ACOX3: variants seen among roughly 807,000 people sequenced by gnomAD.
ACOX3 encodes the protein acyl-CoA oxidase 3, pristanoyl.
ACOX3 carries 73 observed loss-of-function variants against 81.5 expected under a neutral mutation model. The ratio of observed to expected loss-of-function variants is 0.90; its 90% CI spans 0.74 to 1.09. The LOEUF is 1.09. ACOX3 is among the 50% of genes least tolerant of loss of function. The pLI, the probability that ACOX3 is intolerant of heterozygous loss-of-function variation, is 0.00. For missense variants in ACOX3, 947 were observed against 928.0 expected (o/e 1.02, Z -0.27); for synonymous variants, 387 against 375.1 (o/e 1.03, Z -0.37).
chr4:8,380,690 G>A (rs1274948331), intron 14 of ACOX3, among the ~76,000 whole-genome samples: 1 of 152,170 alleles, frequency 6.6e-6, no homozygotes, highest in African/African-American at 2.4e-5. Flanking sequence ...CATTACTGAA[G>A]GTGACCCATA....
chr4:8,365,038 C>T (rs763496509), downstream of ACOX3, among the ~76,000 whole-genome samples: 24 of 152,136 alleles, frequency 1.6e-4, no homozygotes, highest in Non-Finnish European at 2.8e-4. Context: ...GAGCCGTCCA[C>T]ACACACACGG....
Position 8,366,685 on chromosome 4 carries a change from T to C in ACOX3, c.*276A>G. ...ACCCTGAAAACTGAATGTGCGAAAT[T>C]CTAATTATCAAAAAACCCACGGCGC... On this transcript the variant is annotated 3_prime_UTR_variant, in exon 18 of 18. Transcript: ENST00000356406. 3.8e-6 allele frequency: 1 copy of C among 262,454 alleles called. No homozygotes were observed. The highest frequency in any genetic ancestry group is 6.7e-5 in the South Asian group (1 of 14,882). The allele number at this position is 262,454 out of a possible 1,614,324, so 16.3% of individuals were successfully genotyped here. A position where few individuals can be genotyped will look rare whatever the true frequency, so the allele number is the denominator to read the frequency against.
rs1724029503 is a variant in ACOX3 at position 8,432,814 on chromosome 4, G to A, written c.-15+7834C>T. Among the ~76,000 whole-genome samples the A allele has an allele frequency of 6.6e-6, 1 of 152,186 alleles. No individual in the cohort carries two copies. The highest frequency in any genetic ancestry group is 2.1e-4 in the South Asian group (1 of 4,836). ...AACTCAGAATGGAGGGGCTTTAAGG[G>A]TCCCAGGTGAGTGTCTCTAGTGCTG... is the stretch of plus-strand genomic sequence containing the variant. On this transcript the variant is annotated intron_variant, in intron 1 of 17. Coordinates refer to ENST00000356406, the MANE Select transcript of ACOX3 (RefSeq NM_003501.3). The surrounding 1 kb of genome is among the most constrained non-coding windows in gnomAD (Gnocchi z 6.2).
chr4:8,366,077 T>G (rs888369426), downstream of ACOX3, among the ~76,000 whole-genome samples: 1 of 152,094 alleles, frequency 6.6e-6, no homozygotes, highest in Non-Finnish European at 1.5e-5. Flanking sequence ...AGGACCCAGA[T>G]GCAAAGACAG....
At chr4:8,375,868 G>GTA (rs1374021910) in intron 14 of ACOX3, among the ~76,000 whole-genome samples, 2 of 152,218 alleles carry the variant, frequency 1.3e-5, no homozygotes, top group African/African-American at 4.8e-5. Context: ...TGGCTGCACG[G>GTA]TATCCCATGG....
In ACOX3 at chr4:8,394,395, G is replaced by A. The variant is rs188125896; in HGVS notation, c.1179+225C>T. On this transcript the variant is annotated intron_variant, in intron 10 of 17. Coordinates refer to ENST00000356406, the MANE Select transcript of ACOX3 (RefSeq NM_003501.3). This position sits in a 1 kb window ranked among gnomAD's most constrained non-coding sequence, Gnocchi z 5.9. ...ACAGCTGAACTCACAGACTGGAACC[G>A]GGAGTCGTGTCAGCACATCCTTGAG... is the stretch of plus-strand genomic sequence containing the variant. Among the ~76,000 whole-genome samples the A allele has an allele frequency of 1.2e-4, 19 of 152,346 alleles. No individual in the cohort carries two copies. The East Asian group carries it at 1.9e-3, about 15-fold the overall frequency.
At chr4:8,373,884 C>T (rs1716584910) in intron 15 of ACOX3, 1 of 558,296 alleles carries the variant, frequency 1.8e-6, no homozygotes, top group African/African-American at 1.9e-5. Flanking sequence ...AGGTCCCAGG[C>T]TCAGAGGTGA....
intron 13 of ACOX3, among the ~76,000 whole-genome samples, chr4:8,388,361 C>T (rs1435339646): frequency 6.6e-6 from 1 of 152,258 alleles, no homozygotes; most frequent in African/African-American, 2.4e-5. Flanking sequence ...ATGCTGGCCG[C>T]CAGCCCCAGA....
Position 8,389,609 on chromosome 4 carries a change from C to T in ACOX3, c.1423+3G>A. 6.2e-7 allele frequency: 1 copy of T among 1,613,810 alleles called. No homozygotes were observed. The highest frequency in any genetic ancestry group is 8.5e-7 in the Non-Finnish European group (1 of 1,180,022). ...CCCCCACCAGTGTGCAGCAGAGCCT[C>T]ACCGTGGACCTGGTGTGCCAGGAGA... On this transcript the variant is annotated splice_donor_region_variant and intron_variant, in intron 12 of 17. Transcript: ENST00000356406. This position sits in a 1 kb window ranked among gnomAD's most constrained non-coding sequence, Gnocchi z 5.3.
At position 8,419,643 on chromosome 4, in the gene ACOX3, C is replaced by T. The variant is rs761096801; in HGVS notation, c.-14-3108G>A. Among the ~76,000 whole-genome samples the T allele has an allele frequency of 2.6e-5, 4 of 152,050 alleles. No individual in the cohort carries two copies. Among genetic ancestry groups the T allele is most frequent in the South Asian group, 2.1e-4 (1 of 4,810 alleles). On this transcript the variant is annotated intron_variant, in intron 1 of 17. Coordinates refer to ENST00000356406, the MANE Select transcript of ACOX3 (RefSeq NM_003501.3). This position sits in a 1 kb window ranked among gnomAD's most constrained non-coding sequence, Gnocchi z 4.2. ...CTCTGAGGTATGTACGCAAGAGAAC[C>T]GAAAACATCACGTCCTCAATGTGTG...
At chr4:8,429,993 G>A (rs1332778742) in intron 1 of ACOX3, among the ~76,000 whole-genome samples, 1 of 152,158 alleles carries the variant, frequency 6.6e-6, no homozygotes, top group Non-Finnish European at 1.5e-5. Context: ...GGGCAGTGCA[G>A]CTCAGTTATG....
In ACOX3 at chr4:8,430,380, T is replaced by C. The variant is rs1034727046; in HGVS notation, c.-15+10268A>G. Among the ~76,000 whole-genome samples, 2 of 152,238 alleles carry C rather than the reference T, an allele frequency of 1.3e-5. No individual in the cohort carries two copies. The highest frequency in any genetic ancestry group is 6.5e-5 in the Admixed American group (1 of 15,294). On this transcript the variant is annotated intron_variant, in intron 1 of 17. Coordinates refer to ENST00000356406, the MANE Select transcript of ACOX3 (RefSeq NM_003501.3). The surrounding 1 kb of genome is among the most constrained non-coding windows in gnomAD (Gnocchi z 5.2). ...ATCCCCAGGAGCAACAAGGATTGCC[T>C]GAAGACAAAGCAATCATGGTCTAAT...
In ACOX3 at chr4:8,421,436, C is replaced by T. The variant is rs1463650185; in HGVS notation, c.-14-4901G>A. ...GCAGAAAGCTGTCGTCCCAAATTCC[C>T]GGCATTGGCCGGTCAAGATCATGGC... On this transcript the variant is annotated intron_variant, in intron 1 of 17. Coordinates refer to ENST00000356406, the MANE Select transcript of ACOX3 (RefSeq NM_003501.3). Among the ~76,000 whole-genome samples the T allele has an allele frequency of 3.3e-5, 5 of 152,200 alleles. 1 individual carries two copies. Among genetic ancestry groups the T allele is most frequent in the South Asian group, 4.1e-4 (2 of 4,828 alleles).
intron 15 of ACOX3, 89 bp from the exon 16 acceptor site, chr4:8,373,717 G>A (rs971380780): frequency 1.1e-5 from 14 of 1,283,854 alleles, no homozygotes; most frequent in East Asian, 2.5e-5. Context: ...TTTCCAAATC[G>A]GCCATATAGG....
At position 8,405,988 on chromosome 4, in the gene ACOX3, C is replaced by T. The variant is rs760866768; in HGVS notation, c.743G>A (p.Gly248Glu). 1 of 1,614,138 alleles carries T rather than the reference C, an allele frequency of 6.2e-7. No homozygotes were observed. ...PMPGVMVGDIGKKLGQNGLDN... is the reference protein window; with the variant it reads ...PMPGVMVGDIEKKLGQNGLDN... ...CAGACCGTTCTGCCCGAGTTTTTTT[C>T]CTATGTCGCCAACCATCACTCCAGG... Residue 248 changes from glycine to glutamate, a missense_variant, in exon 7 of 18, where the codon GGA becomes GAA. Coordinates refer to ENST00000356406, the MANE Select transcript of ACOX3 (RefSeq NM_003501.3). This position sits in a 1 kb window ranked among gnomAD's most constrained non-coding sequence, Gnocchi z 7.1.
At chr4:8,363,148 T>C (rs977206953), downstream of ACOX3, among the ~76,000 whole-genome samples, 1 of 152,226 alleles carries the variant, frequency 6.6e-6, no homozygotes, top group African/African-American at 2.4e-5. Flanking sequence ...GAGGGATGGA[T>C]AATGTAAACA....
At position 8,414,844 on chromosome 4, in the gene ACOX3, C is replaced by T; in HGVS notation, c.453+10G>A. ...ACCAGGCTCACAATTTACCATGAAC[C>T]AGAACTTACCTCCATCCTGAAGATC... On this transcript the variant is annotated intron_variant, in intron 4 of 17. Coordinates refer to ENST00000356406, the MANE Select transcript of ACOX3 (RefSeq NM_003501.3). The surrounding 1 kb of genome is among the most constrained non-coding windows in gnomAD (Gnocchi z 6.1). The T allele has an allele frequency of 1.2e-6, 2 of 1,613,224 alleles. No individual in the cohort carries two copies. Among genetic ancestry groups the T allele is most frequent in the South Asian group, 2.2e-5 (2 of 91,054 alleles).
Position 8,410,374 on chromosome 4 carries a change from A to G in ACOX3, c.544-19T>C. 2 of 1,612,018 alleles carry G rather than the reference A, an allele frequency of 1.2e-6. No individual in the cohort carries two copies. The highest frequency in any genetic ancestry group is 1.7e-6 in the Non-Finnish European group (2 of 1,178,192). On this transcript the variant is annotated intron_variant, in intron 5 of 17. Coordinates refer to ENST00000356406, the MANE Select transcript of ACOX3 (RefSeq NM_003501.3). ...TGAATTCCTGCACAAGGGAAAATTT[A>G]GGTTAGTTATAATTAGCAACTAAAG...
At chr4:8,429,452 G>A (rs1481843764) in intron 1 of ACOX3, among the ~76,000 whole-genome samples, 1 of 152,214 alleles carries the variant, frequency 6.6e-6, no homozygotes, top group South Asian at 2.1e-4. Flanking sequence ...CTATTACAAG[G>A]TGATAGACGC....
Sources: allele counts gnomAD v4.1 joint callset (sites outside exome capture counted in the v4.1 genomes callset), GRCh38; gene constraint gnomAD v4.1.1; non-coding constraint Gnocchi (gnomAD v3.1); transcripts MANE v1.5; gene names NCBI Gene and HGNC (gene_info 2026-07-23, HGNC 2026-07-21).